RBIS: variants seen among roughly 807,000 people sequenced by gnomAD.
RBIS encodes ribosome biogenesis factor identified in screen.
In RBIS, 9 loss-of-function variants were observed where a neutral mutation model predicts 9.8. The observed-to-expected ratio is 0.92, with a 90% confidence interval of 0.56 to 1.61. The LOEUF (loss-of-function observed/expected upper bound fraction) is 1.61, where lower values mean the gene tolerates loss of function less well. RBIS is among the 40% of genes most tolerant of loss of function. The pLI is 0.00. For synonymous variants in RBIS, 35 were observed against 37.9 expected (o/e 0.92, Z 0.28); for missense variants, 103 against 116.0 (o/e 0.89, Z 0.51).
intron 2 of RBIS, chr8:85,216,299 T>A (rs1171414402): frequency 1.3e-5 from 2 of 152,272 alleles, no homozygotes; most frequent in African/African-American, 4.8e-5. Context: ...CCTCTTGAGT[T>A]TAACAGAGGT....
Position 85,214,106 on chromosome 8 carries a change from T to C in RBIS, c.*454A>G. ...TCCCCACTCCCAAAAGTAACTATAT[T>C]CTGGATTTCAACTTTTCTTCTAATT... On this transcript the variant is annotated 3_prime_UTR_variant, in exon 4 of 4. Coordinates refer to ENST00000619594, the MANE Select transcript of RBIS (RefSeq NM_001099673.3). The C allele has an allele frequency of 1.7e-6, 1 of 577,256 alleles. No individual in the cohort carries two copies. The highest frequency in any genetic ancestry group is 3.2e-6 in the Non-Finnish European group (1 of 310,446). The allele number at this position is 577,256 out of a possible 1,614,324, so 35.8% of individuals were successfully genotyped here.
chr8:85,216,528 T>C (rs1160582231), intron 2 of RBIS, among the ~76,000 whole-genome samples: 1 of 152,196 alleles, frequency 6.6e-6, no homozygotes, highest in Non-Finnish European at 1.5e-5. Flanking sequence ...ACTTGCTATT[T>C]TTCTCTGCCT....
At chr8:85,217,687 G>T (rs1813206320) in intron 1 of RBIS, 185 bp from the exon 2 acceptor site, 1 of 587,106 alleles carries the variant, frequency 1.7e-6, no homozygotes, top group African/African-American at 1.9e-5. Flanking sequence ...TGAGTACAGA[G>T]TATGTATCTA....
chr8:85,216,653 A>C (rs1420760606), intron 2 of RBIS, among the ~76,000 whole-genome samples: 2 of 152,150 alleles, frequency 1.3e-5, no homozygotes, highest in African/African-American at 4.8e-5. Flanking sequence ...TGTCATCCCC[A>C]AAACCCCCAT....
Position 85,215,304 on chromosome 8 carries a change from T to C in RBIS, c.115-267A>G, listed in dbSNP as rs576076285. On this transcript the variant is annotated intron_variant, in intron 2 of 3. Coordinates refer to ENST00000619594, the MANE Select transcript of RBIS (RefSeq NM_001099673.3). ...TGATATTGTGATTCATAATAAGATA[T>C]ATATATATATTTGGTCTTTGTCCTC... 71 of 174,860 alleles carry C rather than the reference T, an allele frequency of 4.1e-4. 1 individual carries two copies. In the South Asian group the frequency reaches 0.011, roughly 27 times the overall value. 10.8% of individuals were successfully genotyped at this position (174,860 alleles called of 1,614,324 possible).
At chr8:85,216,723 T>C (rs1301402971) in intron 2 of RBIS, 2 of 152,486 alleles carry the variant, frequency 1.3e-5, no homozygotes, top group Admixed American at 6.5e-5. Context: ...ACCAAAAAGC[T>C]TAACTCCGCT....
Position 85,215,009 on chromosome 8 carries a change from TTAAC to T in RBIS, c.139_142del (p.Val47ThrfsTer3), listed in dbSNP as rs1813082779. 1 of 1,538,718 alleles carries T rather than the reference TTAAC, an allele frequency of 6.5e-7. No individual in the cohort carries two copies. The highest frequency in any genetic ancestry group is 1.4e-5 in the African/African-American group (1 of 73,294). On this transcript the variant is annotated frameshift_variant, in exon 3 of 4. Coordinates refer to ENST00000619594, the MANE Select transcript of RBIS (RefSeq NM_001099673.3). LOFTEE classifies it high-confidence loss of function. ...ATTTACAAAAGCTTTATTTACTCTG[TTAAC>T]TTTTTCCTCATTCATAATGTTTATC...
rs548529955 is a variant in RBIS at position 85,217,308 on chromosome 8, T to C, written c.114+78A>G. 2.1e-5 allele frequency: 18 copies of C among 837,796 alleles called. No individual in the cohort carries two copies. In the South Asian group the frequency reaches 2.3e-4, roughly 11 times the overall value. The allele number at this position is 837,796 out of a possible 1,614,324, so 51.9% of individuals were successfully genotyped here. The stretch of plus-strand genomic sequence containing the variant: ...AATGAAGAACCTTTTTAAAAAGTAA[T>C]AGTATACAGCTGTTCAGTAGCTTAC... On this transcript the variant is annotated intron_variant, in intron 2 of 3. Coordinates refer to ENST00000619594, the MANE Select transcript of RBIS (RefSeq NM_001099673.3).
rs140131366 is a variant in RBIS at position 85,217,599 on chromosome 8, A to G, written c.-3-97T>C. On this transcript the variant is annotated intron_variant, in intron 1 of 3. Coordinates refer to ENST00000619594, the MANE Select transcript of RBIS (RefSeq NM_001099673.3). ...GTACCAATTAAATCTAAAAAATTCT[A>G]TCTTACTCTTGATTATTTTTAAAGT... 357 of 751,962 alleles carry G rather than the reference A, an allele frequency of 4.7e-4. 4 individuals carry two copies. In the African/African-American group the frequency reaches 5.6e-3, roughly 12 times the overall value. The allele number at this position is 751,962 out of a possible 1,614,324, so 46.6% of individuals were successfully genotyped here. A position where few individuals can be genotyped will look rare whatever the true frequency, so the allele number is the denominator to read the frequency against.
At position 85,214,498 on chromosome 8, in the gene RBIS, A is replaced by AAAATTGT. The variant is rs1813048553; in HGVS notation, c.*55_*61dup. The AAAATTGT allele has an allele frequency of 8.8e-7, 1 of 1,142,416 alleles. No individual in the cohort carries two copies. Among genetic ancestry groups the AAAATTGT allele is most frequent in the Admixed American group, 2.0e-5 (1 of 49,898 alleles). 70.8% of individuals were successfully genotyped at this position (1,142,416 alleles called of 1,614,324 possible). ...GTACATTAACAAGATTTTTAAAAAT[A>AAAATTGT]AAATTGTATAAAACATTCAATTTAT... On this transcript the variant is annotated 3_prime_UTR_variant, in exon 4 of 4. Transcript: ENST00000619594.
At chr8:85,214,687 CTT>C (rs1383160359) in intron 3 of RBIS, 56 bp from the exon 4 acceptor site, 1 of 1,048,112 alleles carries the variant, frequency 9.5e-7, no homozygotes, top group African/African-American at 1.6e-5. Context: ...AGACAAATGA[CTT>C]ATATAAGCTG....
intron 2 of RBIS, 38 bp downstream of exon 2, chr8:85,217,348 T>C (rs765310907): frequency 1.7e-6 from 2 of 1,184,074 alleles, no homozygotes; most frequent in South Asian, 2.4e-5. Flanking sequence ...ACACTTTGCT[T>C]GTAAACAATA....
intron 1 of RBIS, among the ~76,000 whole-genome samples, chr8:85,218,297 G>A (rs1248390826): frequency 6.6e-6 from 1 of 151,888 alleles, no homozygotes; most frequent in African/African-American, 2.4e-5. Flanking sequence ...AAAAACTGAC[G>A]CAAAGAGAAG....
rs772242693 is a variant in RBIS at position 85,214,941 on chromosome 8, C to G, written c.211G>C (p.Glu71Gln). 7 of 1,579,550 alleles carry G rather than the reference C, an allele frequency of 4.4e-6. No homozygotes were observed. The African/African-American group carries it at 6.8e-5, about 15-fold the overall frequency. ...CTTACCAGTTCTTTCTGCAGAGGTT[C>G]AAGTGAAATGCTTTTTGCGAAATGT... ...LAHFAKSISLEPLQKELIPQQ... is the reference protein window; with the variant it reads ...LAHFAKSISLQPLQKELIPQQ... Residue 71 changes from glutamate (E) to glutamine (Q), a missense_variant, in exon 3 of 4, where the codon GAA becomes CAA. Glu to Gln is a conservative substitution (Grantham distance 29). Transcript: ENST00000619594.
intron 1 of RBIS, 125 bp from the exon 2 acceptor site, chr8:85,217,627 G>C: frequency 1.5e-6 from 1 of 650,162 alleles, no homozygotes. Flanking sequence ...TTTAAAGTTG[G>C]TGCATATATT....
At chr8:85,215,280 GA>G (rs1239786576) in intron 2 of RBIS, 1 of 219,548 alleles carries the variant, frequency 4.6e-6, no homozygotes, top group African/African-American at 2.3e-5. Flanking sequence ...ATGTGACTGT[GA>G]TATTGTGATT....
Position 85,214,119 on chromosome 8 carries a change from T to G in RBIS, c.*441A>C, listed in dbSNP as rs1314718958. The G allele has an allele frequency of 1.8e-6, 1 of 563,302 alleles. No homozygotes were observed. Among genetic ancestry groups the G allele is most frequent in the Non-Finnish European group, 3.3e-6 (1 of 301,014 alleles). The allele number at this position is 563,302 out of a possible 1,614,324, so 34.9% of individuals were successfully genotyped here. On this transcript the variant is annotated 3_prime_UTR_variant, in exon 4 of 4. Transcript: ENST00000619594. ...AAGTAACTATATTCTGGATTTCAAC[T>G]TTTCTTCTAATTGTGAATCCTTCTG...
rs544009020 is a variant in RBIS at position 85,219,668 on chromosome 8, G to A, written c.-4+638C>T. 3.0e-4 allele frequency among the ~76,000 whole-genome samples: 46 copies of A among 152,162 alleles called. 1 individual carries two copies. The South Asian group carries it at 9.5e-3, about 32-fold the overall frequency. On this transcript the variant is annotated intron_variant, in intron 1 of 3. Coordinates refer to ENST00000619594, the MANE Select transcript of RBIS (RefSeq NM_001099673.3). ...CGGGAGGCTGAGACACGAGGAGGCGGAGGTTGCAGTGAGCCGAGATCACGC... is the reference window on the plus strand; with the variant it reads ...CGGGAGGCTGAGACACGAGGAGGCGAAGGTTGCAGTGAGCCGAGATCACGC...
intron 1 of RBIS, chr8:85,218,642 C>T (rs9942758): frequency 1.3e-5 from 2 of 152,208 alleles, no homozygotes; most frequent in African/African-American, 2.4e-5. Flanking sequence ...AGAGACCAGC[C>T]TCACCATGGT....
Sources: allele counts gnomAD v4.1 joint callset (sites outside exome capture counted in the v4.1 genomes callset), GRCh38; gene constraint gnomAD v4.1.1; transcripts MANE v1.5; gene names NCBI Gene and HGNC (gene_info 2026-07-23, HGNC 2026-07-21).